MCCC2: variants seen among roughly 807,000 people sequenced by gnomAD.
MCCC2 encodes methylcrotonyl-CoA carboxylase subunit 2.
In MCCC2, 52 loss-of-function variants were observed where a neutral mutation model predicts 77.2. The ratio of observed to expected loss-of-function variants is 0.67; its 90% CI spans 0.54 to 0.85. The LOEUF is 0.85. Ranked by LOEUF, MCCC2 falls within the 40% of genes least tolerant of loss-of-function variation. MCCC2 has a pLI of 0.00. For missense variants in MCCC2, 682 were observed against 703.2 expected (o/e 0.97, Z 0.34); for synonymous variants, 253 against 248.4 (o/e 1.02, Z -0.18).
Position 71,601,012 on chromosome 5 carries a change from C to T in MCCC2, c.383+1252C>T, listed in dbSNP as rs182488311. ...AGAAAGACCTGGTCCCTGTGCCCCC[C>T]TTTAAGGCAGGCTCTGGGGTCAGTC... On this transcript the variant is annotated intron_variant, in intron 4 of 16. Coordinates refer to ENST00000340941, the MANE Select transcript of MCCC2 (RefSeq NM_022132.5). Among the ~76,000 whole-genome samples the T allele has an allele frequency of 2.6e-3, 389 of 152,334 alleles. 1 individual carries two copies. Among genetic ancestry groups the T allele is most frequent in the Admixed American group, 5.2e-3 (79 of 15,298 alleles).
At chr5:71,650,702 G>A (rs1325475336) in intron 15 of MCCC2, among the ~76,000 whole-genome samples, 4 of 152,102 alleles carry the variant, frequency 2.6e-5, no homozygotes, top group Admixed American at 2.6e-4. Flanking sequence ...AGGCTGGTGT[G>A]CAGTGGCACG....
intron 14 of MCCC2, among the ~76,000 whole-genome samples, chr5:71,649,565 A>G (rs1747374930): frequency 6.6e-6 from 1 of 152,222 alleles, no homozygotes; most frequent in Non-Finnish European, 1.5e-5. Flanking sequence ...ATACGGGAAA[A>G]GAAGCAAGAC....
At chr5:71,644,011 C>A in intron 12 of MCCC2, 116 bp downstream of exon 12, 1 of 1,171,180 alleles carries the variant, frequency 8.5e-7, no homozygotes. Context: ...GCCTCAGCAA[C>A]CAGAACACTG....
intron 10 of MCCC2, among the ~76,000 whole-genome samples, chr5:71,640,801 A>G (rs1182858575): frequency 6.6e-6 from 1 of 152,194 alleles, no homozygotes; most frequent in Non-Finnish European, 1.5e-5. Context: ...TTGCTTGTAT[A>G]GTGAAGTATA....
chr5:71,622,179 C>A (rs1746372184), intron 6 of MCCC2, among the ~76,000 whole-genome samples: 2 of 151,936 alleles, frequency 1.3e-5, no homozygotes, highest in Non-Finnish European at 2.9e-5. Flanking sequence ...GGTTTCAGAT[C>A]ACTTGTCCAG....
Position 71,656,955 on chromosome 5 carries a change from A to G in MCCC2, c.*95A>G. On this transcript the variant is annotated 3_prime_UTR_variant, in exon 17 of 17. Coordinates refer to ENST00000340941, the MANE Select transcript of MCCC2 (RefSeq NM_022132.5). ...GACTTCTCGAACATGAGGCTGTTAC[A>G]GTAATTTTTTTAACACTGTGCATTG... 2.1e-6 allele frequency: 2 copies of G among 950,384 alleles called. No individual in the cohort carries two copies. The highest frequency in any genetic ancestry group is 1.6e-5 in the African/African-American group (1 of 62,094). 58.9% of individuals were successfully genotyped at this position (950,384 alleles called of 1,614,324 possible).
At chr5:71,637,491 A>G (rs1419479279) in intron 10 of MCCC2, among the ~76,000 whole-genome samples, 1 of 152,262 alleles carries the variant, frequency 6.6e-6, no homozygotes, top group Non-Finnish European at 1.5e-5. Flanking sequence ...GCTTTTAAAA[A>G]TGCTAACAAT....
At chr5:71,602,718 A>T in intron 5 of MCCC2, 85 bp downstream of exon 5, 1 of 1,582,634 alleles carries the variant, frequency 6.3e-7, no homozygotes, top group Non-Finnish European at 8.7e-7. Flanking sequence ...TACATTTGGG[A>T]TGGGTATTTT....
At chr5:71,635,320 A>G (rs1293783668) in intron 10 of MCCC2, 74 bp downstream of exon 10, 7 of 1,333,186 alleles carry the variant, frequency 5.3e-6, no homozygotes, top group South Asian at 1.2e-5. Flanking sequence ...TTGCAAAGCT[A>G]AAGTTTGTTA....
intron 4 of MCCC2, among the ~76,000 whole-genome samples, chr5:71,601,425 C>T (rs1405223479): frequency 6.6e-6 from 1 of 152,180 alleles, no homozygotes; most frequent in Non-Finnish European, 1.5e-5. Flanking sequence ...GCCTACATTT[C>T]CTTTGAAGTC....
At chr5:71,606,418 T>C (rs1216483927) in intron 6 of MCCC2, among the ~76,000 whole-genome samples, 1 of 152,094 alleles carries the variant, frequency 6.6e-6, no homozygotes, top group Admixed American at 6.6e-5. Context: ...TTTTTGTACA[T>C]TGATTTTGTA....
At chr5:71,616,384 C>G (rs1746153981) in intron 6 of MCCC2, among the ~76,000 whole-genome samples, 1 of 152,186 alleles carries the variant, frequency 6.6e-6, no homozygotes, top group Admixed American at 6.5e-5. Context: ...TCTTGTAGGA[C>G]TGAGCCCTTA....
chr5:71,633,091 T>TA (rs1746777354), intron 8 of MCCC2, among the ~76,000 whole-genome samples: 3 of 84,256 alleles, frequency 3.6e-5, no homozygotes, highest in African/African-American at 1.5e-4. Context: ...TTTTTCAGTT[T>TA]TATATATATA....
Position 71,611,697 on chromosome 5 carries a change from G to A in MCCC2, c.624+7229G>A, listed in dbSNP as rs185563999. ...GAGCGATACACTCAGCTTTAGAACA[G>A]TGGTTGCCTCTGAGGTGGGAAGGAA... On this transcript the variant is annotated intron_variant, in intron 6 of 16. Transcript: ENST00000340941. 3.3e-5 allele frequency among the ~76,000 whole-genome samples: 5 copies of A among 152,282 alleles called. No homozygotes were observed. The East Asian group carries it at 9.6e-4, about 29-fold the overall frequency.
In MCCC2 at chr5:71,619,661, G is replaced by A. The variant is rs547496901; in HGVS notation, c.625-6979G>A. On this transcript the variant is annotated intron_variant, in intron 6 of 16. Transcript: ENST00000340941. Reference sequence around the variant, plus strand: ...CAATCCTCTTGCCTCAGCCTCCTGAGTAGCTGGGATTACAGGCGTGTGCTA... The same window carrying A: ...CAATCCTCTTGCCTCAGCCTCCTGAATAGCTGGGATTACAGGCGTGTGCTA... Among the ~76,000 whole-genome samples the A allele has an allele frequency of 3.0e-4, 46 of 152,204 alleles. 1 individual carries two copies. The South Asian group carries it at 9.2e-3, about 30-fold the overall frequency.
chr5:71,615,371 T>C (rs1384997282), intron 6 of MCCC2, among the ~76,000 whole-genome samples: 1 of 152,196 alleles, frequency 6.6e-6, no homozygotes, highest in African/African-American at 2.4e-5. Flanking sequence ...AGATTCCCAC[T>C]CTGCACAGCC....
chr5:71,656,085 C>T (rs912871185), intron 16 of MCCC2, among the ~76,000 whole-genome samples: 2 of 152,140 alleles, frequency 1.3e-5, no homozygotes, highest in African/African-American at 4.8e-5. Context: ...TGTGGTAGCG[C>T]ACTCCTGTAA....
chr5:71,613,828 A>C (rs1746056333), intron 6 of MCCC2, among the ~76,000 whole-genome samples: 1 of 151,966 alleles, frequency 6.6e-6, no homozygotes, highest in South Asian at 2.1e-4. Context: ...AAGTGCTCAC[A>C]CATAGCCGGA....
chr5:71,588,765 GA>G (rs1160114603), intron 1 of MCCC2, among the ~76,000 whole-genome samples: 1 of 152,098 alleles, frequency 6.6e-6, no homozygotes, highest in African/African-American at 2.4e-5. Context: ...AGAGTTACAA[GA>G]ACATAGGTAC....
Sources: gnomAD v4.1 joint callset for allele counts (sites outside exome capture counted in the v4.1 genomes callset) on GRCh38, gnomAD v4.1.1 for gene constraint, MANE v1.5 for transcripts, NCBI Gene and HGNC (gene_info 2026-07-23, HGNC 2026-07-21) for gene names.